The following HYDIN variants were observed in gnomAD, a reference collection of about 807,000 sequenced individuals.
HYDIN encodes the protein HYDIN axonemal central pair apparatus protein, also known as axonemal central pair apparatus protein HYDIN.
HYDIN carries 132 observed loss-of-function variants against 403.9 expected under a neutral mutation model. The observed-to-expected ratio is 0.33, with a 90% CI of 0.28 to 0.38. HYDIN has a LOEUF of 0.38. Ranked by LOEUF, HYDIN falls within the 10% of genes least tolerant of loss-of-function variation. The pLI is 1.00. For synonymous variants in HYDIN, 1,202 were observed against 1,891.7 expected (o/e 0.64, Z 9.46); for missense variants, 2,827 against 5,009.5 (o/e 0.56, Z 13.15).
chr16:70,956,258 CAA>C (rs4028339), intron 39 of HYDIN, among the ~76,000 whole-genome samples: 4,347 of 133,646 alleles, frequency 0.033, 150 homozygotes, highest in African/African-American at 0.099. Context: ...ACTTTCATTA[CAA>C]AAAAAAAAAA....
At chr16:70,904,523 G>A (rs1478284865) in intron 50 of HYDIN, among the ~76,000 whole-genome samples, 5 of 12,644 alleles carry the variant, frequency 4.0e-4, no homozygotes. Context: ...TTTTTTTGAG[G>A]GAGTTTCGTT....
rs1441243094 is a variant in HYDIN at position 70,978,924 on chromosome 16, T to C, written c.4628A>G (p.Glu1543Gly). Residue 1543 changes from glutamate (E) to glycine (G), a missense_variant, in exon 30 of 86, where the codon GAG (glutamate) becomes GGG (glycine). By Grantham distance (98) the Glu-to-Gly change is moderately conservative (BLOSUM62 -2). Coordinates refer to ENST00000393567, the MANE Select transcript of HYDIN (RefSeq NM_001270974.2). Reference sequence around the variant, plus strand: ...CTGGAGCTGTCTTACCTCAGCAGGCTCGTCTTCTGGCACTTCCTCAGTTAT... The same window carrying C: ...CTGGAGCTGTCTTACCTCAGCAGGCCCGTCTTCTGGCACTTCCTCAGTTAT... ...DIITEEVPED[E>G]PAEVSAHLQM... The C allele has an allele frequency of 6.2e-7, 1 of 1,613,530 alleles. No homozygotes were observed.
chr16:70,973,185 G>C (rs1369858531), intron 35 of HYDIN, among the ~76,000 whole-genome samples, 158 bp downstream of exon 35: 2 of 152,166 alleles, frequency 1.3e-5, no homozygotes, highest in African/African-American at 4.8e-5. Context: ...AGGCCACACA[G>C]CTCCTATGTG....
chr16:70,986,680 A>T (rs1331494904), intron 27 of HYDIN, among the ~76,000 whole-genome samples: 2 of 150,658 alleles, frequency 1.3e-5, no homozygotes, highest in East Asian at 2.0e-4. Flanking sequence ...ATTGACAATT[A>T]TTCCAAAACA....
chr16:70,970,399 A>G, intron 36 of HYDIN, 121 bp downstream of exon 36: 1 of 571,222 alleles, frequency 1.8e-6, no homozygotes, highest in Admixed American at 2.9e-5. Context: ...GATTTTACTC[A>G]GGTCAAGGGA....
In HYDIN at chr16:70,868,679, A is replaced by G. The variant is rs368613900; in HGVS notation, c.11201T>C (p.Met3734Thr). 177 of 1,614,072 alleles carry G rather than the reference A, an allele frequency of 1.1e-4. No homozygotes were observed. The highest frequency in any genetic ancestry group is 5.9e-4 in the African/African-American group (44 of 74,948). ...MRIRCKLSRI[M>T]FQLPADQVPD... ...GACCTGGTCTGCAGGGAGCTGAAAC[A>G]TAATCCTGGAGAGCTTGCACCTGAT... The change falls in exon 66 of 86, where the codon ATG becomes ACG. Residue 3734 changes from methionine (M) to threonine (T), a missense_variant. Transcript: ENST00000393567.
intron 27 of HYDIN, among the ~76,000 whole-genome samples, chr16:70,986,506 A>T (rs1202134941): frequency 6.6e-6 from 1 of 152,228 alleles, no homozygotes; most frequent in Non-Finnish European, 1.5e-5. Flanking sequence ...TTTTAGGCAC[A>T]ATCTTTGATC....
chr16:71,036,021 A>G (rs2081073870), intron 18 of HYDIN, among the ~76,000 whole-genome samples: 1 of 151,770 alleles, frequency 6.6e-6, no homozygotes, highest in South Asian at 2.1e-4. Flanking sequence ...TCTACAGTAA[A>G]GAGAGTTGAG....
At chr16:71,070,970 T>G (rs1490333688) in intron 13 of HYDIN, among the ~76,000 whole-genome samples, 1 of 152,106 alleles carries the variant, frequency 6.6e-6, no homozygotes, top group Non-Finnish European at 1.5e-5. Context: ...ACTGTGAGAT[T>G]GAGTGCACTT....
At chr16:70,954,445 C>G (rs919797369) in intron 40 of HYDIN, among the ~76,000 whole-genome samples, 1 of 135,296 alleles carries the variant, frequency 7.4e-6, no homozygotes, top group African/African-American at 2.8e-5. Flanking sequence ...AGAGAGATAC[C>G]TTGTCTCAAA....
At chr16:70,945,993 G>A (rs1173500585) in intron 41 of HYDIN, among the ~76,000 whole-genome samples, 1 of 152,142 alleles carries the variant, frequency 6.6e-6, no homozygotes, top group Non-Finnish European at 1.5e-5. Flanking sequence ...GGAGGGGGAT[G>A]TGGGGTCACG....
Position 71,220,859 on chromosome 16 carries a change from T to G in HYDIN, c.-24+9703A>C, listed in dbSNP as rs1448848182. 2.0e-5 allele frequency among the ~76,000 whole-genome samples: 3 copies of G among 152,194 alleles called. No homozygotes were observed. In the East Asian group the frequency reaches 5.8e-4, roughly 29 times the overall value. On this transcript the variant is annotated intron_variant, in intron 1 of 85. Transcript: ENST00000393567. Reference sequence around the variant, plus strand: ...CTAATATAGGTTATGCTGGTTTGTTTGAACCAACTCTCCTGCTGAAAACAA... The same window carrying G: ...CTAATATAGGTTATGCTGGTTTGTTGGAACCAACTCTCCTGCTGAAAACAA...
At chr16:70,926,795 G>T (rs1315794925) in intron 45 of HYDIN, among the ~76,000 whole-genome samples, 1 of 151,168 alleles carries the variant, frequency 6.6e-6, no homozygotes, top group Non-Finnish European at 1.5e-5. Flanking sequence ...ATTTTAAAGA[G>T]AACTAGAAAT....
At chr16:71,007,540 A>T (rs796189792) in intron 23 of HYDIN, among the ~76,000 whole-genome samples, 3 of 151,912 alleles carry the variant, frequency 2.0e-5, no homozygotes, top group Non-Finnish European at 2.9e-5. Flanking sequence ...TATAGCAGTG[A>T]CCAAGAAATA....
intron 17 of HYDIN, 44 bp downstream of exon 17, chr16:71,062,112 AAATGTTTGAGAAG>A (rs2082109432): frequency 9.3e-7 from 1 of 1,077,898 alleles, no homozygotes; most frequent in African/African-American, 1.5e-5. Context: ...AGAAAGCTCA[AAATGTTTGAGAAG>A]AAGCACAGCA....
At chr16:70,986,724 C>G (rs2079203402) in intron 27 of HYDIN, among the ~76,000 whole-genome samples, 1 of 138,180 alleles carries the variant, frequency 7.2e-6, no homozygotes. Context: ...ATGGCAAAGA[C>G]TATCATTAAG....
intron 23 of HYDIN, among the ~76,000 whole-genome samples, chr16:71,003,798 CAA>C (rs56343756): frequency 1.3e-4 from 16 of 120,976 alleles, no homozygotes; most frequent in African/African-American, 2.4e-4. Flanking sequence ...GACTCCATCT[CAA>C]AAAAAAAAAA....
At chr16:70,811,841 G>A (rs1426365591) in intron 84 of HYDIN, among the ~76,000 whole-genome samples, 7 of 142,686 alleles carry the variant, frequency 4.9e-5, no homozygotes, top group Non-Finnish European at 1.1e-4. Flanking sequence ...TGGGCCACAA[G>A]AGCAAAACTC....
intron 1 of HYDIN, among the ~76,000 whole-genome samples, chr16:71,216,461 A>G (rs1463866961): frequency 6.6e-6 from 1 of 152,194 alleles, no homozygotes; most frequent in African/African-American, 2.4e-5. Context: ...ATTAGAACCC[A>G]AGAATGACTG....
Sources: gnomAD v4.1 joint callset for allele counts (sites outside exome capture counted in the v4.1 genomes callset) on GRCh38, gnomAD v4.1.1 for gene constraint, MANE v1.5 for transcripts, NCBI Gene and HGNC (gene_info 2026-07-23, HGNC 2026-07-21) for gene names.